The following SETD2 variants were observed in gnomAD, a reference collection of about 807,000 sequenced individuals.
SETD2 encodes the protein SET domain containing 2, histone lysine methyltransferase.
A neutral mutation model predicts 242.1 loss-of-function variants in SETD2; 31 were observed. The observed-to-expected ratio is 0.13, with a 90% CI of 0.10 to 0.17. The LOEUF (loss-of-function observed/expected upper bound fraction) is 0.17, where lower values mean the gene tolerates loss of function less well. Ranked by LOEUF, SETD2 falls within the 10% of genes least tolerant of loss-of-function variation. The pLI is 1.00. For synonymous variants in SETD2, 1,006 were observed against 1,066.5 expected, an observed-to-expected ratio of 0.94 and a Z score of 1.11; for missense variants, 2,481 against 3,046.3, an observed-to-expected ratio of 0.81 and a Z score of 4.37.
chr3:47,114,586 A>G (rs1051035779), intron 4 of SETD2, among the ~76,000 whole-genome samples: 1 of 152,198 alleles, frequency 6.6e-6, no homozygotes, highest in African/African-American at 2.4e-5. Context: ...GATTAAAACT[A>G]CACCAGAGGG....
chr3:47,132,245 G>A (rs569431390), intron 1 of SETD2, among the ~76,000 whole-genome samples: 9 of 145,986 alleles, frequency 6.2e-5, no homozygotes, highest in African/African-American at 1.8e-4. Flanking sequence ...TGATTTTTCT[G>A]CTTCAGCCTC....
At chr3:47,082,350 T>A (rs2041353813) in intron 12 of SETD2, among the ~76,000 whole-genome samples, 1 of 152,214 alleles carries the variant, frequency 6.6e-6, no homozygotes, top group Admixed American at 6.5e-5. Context: ...CTTTTCTGTG[T>A]CCATTTGTGT....
At chr3:47,101,660 T>G in intron 7 of SETD2, 105 bp from the exon 8 acceptor site, 1 of 629,826 alleles carries the variant, frequency 1.6e-6, no homozygotes, top group East Asian at 2.7e-5. Context: ...CATCATCATC[T>G]GCCTTAATTA....
At chr3:47,041,390 G>A in intron 17 of SETD2, 2 of 448,088 alleles carry the variant, frequency 4.5e-6, no homozygotes, top group South Asian at 3.2e-5. Context: ...CCTCACGCCT[G>A]TCATCCCAGC....
chr3:47,059,880 T>TTTG (rs2040260023), intron 14 of SETD2, among the ~76,000 whole-genome samples: 2 of 152,042 alleles, frequency 1.3e-5, no homozygotes, highest in African/African-American at 4.8e-5. Context: ...GCCTCCTGGG[T>TTTG]TCAAGTGATT....
rs1209297833 is a variant in SETD2, at chr3:47,037,688, G to A, written c.7328C>T (p.Thr2443Ile). 6.2e-7 allele frequency: 1 copy of A among 1,613,504 alleles called. No homozygotes were observed. The highest frequency in any genetic ancestry group is 8.5e-7 in the Non-Finnish European group (1 of 1,179,668). Reference protein sequence around the residue: ...HEAEMDLGTPTYDENPMKASK... With the variant: ...HEAEMDLGTPIYDENPMKASK... Reference sequence around the variant, plus strand: ...CACCTTCATGGGGTTTTCATCATATGTTGGAGTTCCCAGGTCCATCTCAGC... The same window carrying A: ...CACCTTCATGGGGTTTTCATCATATATTGGAGTTCCCAGGTCCATCTCAGC... The change falls in exon 18 of 21, where the codon ACA (threonine) becomes ATA (isoleucine). Residue 2443 changes from threonine to isoleucine, a missense_variant. Physicochemically the swap from Thr to Ile is moderately conservative, Grantham distance 89 (BLOSUM62 -1). This residue lies in a region of SETD2 where 40 missense variants were observed against 89.5 expected (regional missense o/e 0.45). Coordinates refer to ENST00000409792, the MANE Select transcript of SETD2 (RefSeq NM_014159.7).
chr3:47,084,017 T>C lies in SETD2; in HGVS notation c.5763A>G (p.Glu1921=), dbSNP rs766760867. ...QLENVPVEEE[E]ELQSQQLLPQ... ...GGAGTAGCTGTTGTGACTGCAATTCTTCCTCTTCCTCTACAGGGACATTTT... is the reference window on the plus strand; with the variant it reads ...GGAGTAGCTGTTGTGACTGCAATTCCTCCTCTTCCTCTACAGGGACATTTT... The change falls in exon 12 of 21, where the codon GAA becomes GAG. Residue 1921 remains glutamate (E), a synonymous_variant. Coordinates refer to ENST00000409792, the MANE Select transcript of SETD2 (RefSeq NM_014159.7). The C allele has an allele frequency of 1.9e-6, 3 of 1,614,056 alleles. No individual in the cohort carries two copies. The African/African-American group carries it at 4.0e-5, about 22-fold the overall frequency.
chr3:47,062,173 G>C lies in SETD2; in HGVS notation c.6283C>G (p.Pro2095Ala), dbSNP rs2107588566. The C allele has an allele frequency of 1.9e-6, 3 of 1,613,078 alleles. No individual in the cohort carries two copies. Among genetic ancestry groups the C allele is most frequent in the Non-Finnish European group, 2.5e-6 (3 of 1,179,772 alleles). Reference protein sequence around the residue: ...SSAYERGTKRPDDRYDTPTSK... With the variant: ...SSAYERGTKRADDRYDTPTSK... Reference sequence around the variant, plus strand: ...ACACAGGCCACTTACCTGTCATCTGGCCTTTTTGTTCCCCGCTCATAGGCA... The same window carrying C: ...ACACAGGCCACTTACCTGTCATCTGCCCTTTTTGTTCCCCGCTCATAGGCA... The change falls in exon 14 of 21, where the codon CCA becomes GCA. Residue 2095 changes from proline (P) to alanine (A), a missense_variant. By Grantham distance (27) the Pro-to-Ala change is conservative. Transcript: ENST00000409792.
chr3:47,154,324 G>A (rs970912806), intron 1 of SETD2, among the ~76,000 whole-genome samples: 4 of 152,092 alleles, frequency 2.6e-5, no homozygotes, highest in East Asian at 1.9e-4. Context: ...CAGGAGAATC[G>A]CTTGAATCCA....
intron 13 of SETD2, among the ~76,000 whole-genome samples, chr3:47,063,647 A>T (rs963025926): frequency 6.6e-6 from 1 of 152,272 alleles, no homozygotes; most frequent in Non-Finnish European, 1.5e-5. Flanking sequence ...TGTCCTAAGT[A>T]CTACTTTTCA....
chr3:47,035,027 A>G (rs1023884610), intron 18 of SETD2, among the ~76,000 whole-genome samples: 5 of 152,234 alleles, frequency 3.3e-5, no homozygotes, highest in African/African-American at 9.6e-5. Flanking sequence ...CTATGGTAAC[A>G]GAGGAGTAAA....
chr3:47,071,879 C>T (rs978676429), intron 12 of SETD2, among the ~76,000 whole-genome samples: 10 of 151,966 alleles, frequency 6.6e-5, no homozygotes, highest in Non-Finnish European at 1.3e-4. Context: ...TTAATACATC[C>T]CAAATAAACT....
chr3:47,162,747 A>C lies in SETD2; in HGVS notation c.71+1107T>G, dbSNP rs147366716. ...CATGTGAAACCCCTATCAACCGATA[A>C]GTTTTAAATCAATAGTATATTCCTA... On this transcript the variant is annotated intron_variant, in intron 1 of 20. Transcript: ENST00000409792. 2.4e-3 allele frequency among the ~76,000 whole-genome samples: 366 copies of C among 152,334 alleles called. 1 individual carries two copies. Among genetic ancestry groups the C allele is most frequent in the Admixed American group, 4.3e-3 (66 of 15,296 alleles).
At chr3:47,098,291 T>C in intron 8 of SETD2, 1 of 372,222 alleles carries the variant, frequency 2.7e-6, no homozygotes, top group Non-Finnish European at 4.8e-6. Context: ...TCATCTTTCT[T>C]TGGGAGACAA....
chr3:47,110,543 T>G (rs2042609183), intron 5 of SETD2, among the ~76,000 whole-genome samples: 1 of 152,230 alleles, frequency 6.6e-6, no homozygotes, highest in South Asian at 2.1e-4. Context: ...GGTAATAACC[T>G]GCTTTTTTGG....
At chr3:47,047,536 C>A (rs2039586451) in intron 15 of SETD2, among the ~76,000 whole-genome samples, 1 of 152,108 alleles carries the variant, frequency 6.6e-6, no homozygotes, top group East Asian at 1.9e-4. Flanking sequence ...ACAGAAACAT[C>A]AAATGCTAAG....
At chr3:47,158,339 T>C (rs891800892) in intron 1 of SETD2, among the ~76,000 whole-genome samples, 7 of 152,126 alleles carry the variant, frequency 4.6e-5, no homozygotes, top group East Asian at 1.9e-4. Context: ...GCTGGAACTG[T>C]CCAGGTCCAC....
At chr3:47,147,121 C>T (rs1346750024) in intron 1 of SETD2, among the ~76,000 whole-genome samples, 2 of 152,028 alleles carry the variant, frequency 1.3e-5, no homozygotes, top group African/African-American at 2.4e-5. Context: ...AGCAATTCTC[C>T]TGCCTCAGCC....
Position 47,042,624 on chromosome 3 carries a change from G to A in SETD2, c.7175C>T (p.Pro2392Leu), listed in dbSNP as rs778464270. Residue 2392 changes from proline to leucine, a missense_variant, in exon 17 of 21, where the codon CCT becomes CTT. This residue lies in a region of SETD2 where 235 missense variants were observed against 293.9 expected (regional missense o/e 0.80). Transcript: ENST00000409792. Reference protein sequence around the residue: ...SPPKPKTIVLPPNWKTARDPE... With the variant: ...SPPKPKTIVLLPNWKTARDPE... ...ATCTCGAGCTGTCTTCCAGTTGGGAGGTAAGACAATGGTTTTTGGTTTGGG... is the reference window on the plus strand; with the variant it reads ...ATCTCGAGCTGTCTTCCAGTTGGGAAGTAAGACAATGGTTTTTGGTTTGGG... The A allele has an allele frequency of 6.2e-7, 1 of 1,613,654 alleles. No homozygotes were observed. Among genetic ancestry groups the A allele is most frequent in the South Asian group, 1.1e-5 (1 of 91,050 alleles).
Sources: gnomAD v4.1 joint callset for allele counts (sites outside exome capture counted in the v4.1 genomes callset) on GRCh38, gnomAD v4.1.1 for gene constraint, gnomAD v4.1.1 regional missense constraint, MANE v1.5 for transcripts, NCBI Gene and HGNC (gene_info 2026-07-23, HGNC 2026-07-21) for gene names.